The following FAM161A variants were observed in gnomAD, a reference collection of about 807,000 sequenced individuals.
The protein encoded by FAM161A is protein FAM161A.
Under a neutral mutation model 70.9 loss-of-function variants are expected in FAM161A, and 57 were observed. The ratio of observed to expected loss-of-function variants is 0.80; its 90% CI spans 0.65 to 1.00. FAM161A has a LOEUF of 1.00. Ranked by LOEUF, FAM161A falls within the 50% of genes least tolerant of loss-of-function variation. The pLI is 0.00. For synonymous variants in FAM161A, 299 were observed against 295.7 expected, an observed-to-expected ratio of 1.01 and a Z score of -0.12; for missense variants, 880 against 836.0, an observed-to-expected ratio of 1.05 and a Z score of -0.65.
intron 6 of FAM161A, 74 bp from the exon 7 acceptor site, chr2:61,826,673 A>G: frequency 7.8e-7 from 1 of 1,274,318 alleles, no homozygotes; most frequent in Non-Finnish European, 1.1e-6. Context: ...CTCTGCAAGT[A>G]TGCCACCGTG....
the FAM161A span, among the ~76,000 whole-genome samples, chr2:61,811,863 C>T: frequency 6.6e-6 from 1 of 152,140 alleles, no homozygotes; most frequent in African/African-American, 2.4e-5. Flanking sequence ...CCAAAGCTCC[C>T]TATCTCACCC....
the FAM161A span, among the ~76,000 whole-genome samples, chr2:61,812,748 A>G: frequency 6.6e-6 from 1 of 150,536 alleles, no homozygotes; most frequent in African/African-American, 2.4e-5. Flanking sequence ...CAAAAACAAA[A>G]CAACAACAAC....
chr2:61,810,449 C>T, the FAM161A span, among the ~76,000 whole-genome samples: 4 of 131,642 alleles, frequency 3.0e-5, no homozygotes, highest in South Asian at 4.9e-4. Context: ...GTCCCCAGCA[C>T]TTCCTTTTTT....
the FAM161A span, among the ~76,000 whole-genome samples, chr2:61,807,572 TGGGGG>T: frequency 1.3e-5 from 2 of 148,682 alleles, no homozygotes; most frequent in African/African-American, 2.5e-5. Flanking sequence ...CTCTGCAAAG[TGGGGG>T]ACTTTGCAGA....
At chr2:61,832,260 CCAA>C (rs755126973) in intron 5 of FAM161A, among the ~76,000 whole-genome samples, 5 of 124,792 alleles carry the variant, frequency 4.0e-5, no homozygotes, top group South Asian at 2.7e-4. Context: ...CAAAAAAAAA[CCAA>C]CAACAACAAC....
chr2:61,828,046 G>A (rs1672440432), intron 5 of FAM161A, among the ~76,000 whole-genome samples: 1 of 152,124 alleles, frequency 6.6e-6, no homozygotes, highest in African/African-American at 2.4e-5. Flanking sequence ...TTGAGGATAG[G>A]TACACACACT....
At chr2:61,827,015 AC>A (rs1672391909) in intron 6 of FAM161A, 88 bp downstream of exon 6, 2 of 1,286,946 alleles carry the variant, frequency 1.6e-6, no homozygotes, top group Non-Finnish European at 1.1e-6. Flanking sequence ...ACAATATAGA[AC>A]AAAAAATATA....
chr2:61,808,951 C>T, the FAM161A span, among the ~76,000 whole-genome samples: 1 of 152,134 alleles, frequency 6.6e-6, no homozygotes, highest in East Asian at 1.9e-4. Flanking sequence ...CGGCTCACTG[C>T]AACCTCCCCC....
At chr2:61,842,441 C>T in intron 1 of FAM161A, 81 bp from the exon 2 acceptor site, 3 of 814,450 alleles carry the variant, frequency 3.7e-6, no homozygotes, top group Non-Finnish European at 4.0e-6. Flanking sequence ...AATGCTGCTT[C>T]TTAAAGAGTC....
chr2:61,807,804 C>T, the FAM161A span, among the ~76,000 whole-genome samples: 2 of 151,966 alleles, frequency 1.3e-5, no homozygotes, highest in Non-Finnish European at 2.9e-5. Context: ...CCACACCTGG[C>T]TAATTTTTGT....
chr2:61,821,598 T>C (rs954359570), downstream of FAM161A, among the ~76,000 whole-genome samples: 7 of 151,958 alleles, frequency 4.6e-5, no homozygotes, highest in African/African-American at 1.7e-4. Context: ...TCTGAATATC[T>C]TTTTTTCTTT....
intron 1 of FAM161A, among the ~76,000 whole-genome samples, 189 bp downstream of exon 1, chr2:61,853,670 T>G (rs187943579): frequency 8.5e-4 from 130 of 152,324 alleles, no homozygotes; most frequent in African/African-American, 3.1e-3. Context: ...TAAAACACTT[T>G]TCAACGCCTC....
chr2:61,837,599 T>C (rs1672821396), intron 4 of FAM161A, among the ~76,000 whole-genome samples: 2 of 152,012 alleles, frequency 1.3e-5, no homozygotes, highest in Non-Finnish European at 2.9e-5. Context: ...CAAAACCTCA[T>C]CTCTACCAAA....
intron 4 of FAM161A, 60 bp from the exon 5 acceptor site, chr2:61,836,169 T>A: frequency 1.7e-6 from 2 of 1,146,614 alleles, no homozygotes; most frequent in South Asian, 1.3e-5. Context: ...AGAACTTACA[T>A]ATGTAACATT....
rs2105057028 is a variant in FAM161A at position 61,825,658 on chromosome 2, G to C, written c.*797C>G. 2.4e-6 allele frequency: 1 copy of C among 421,398 alleles called. No individual in the cohort carries two copies. Among genetic ancestry groups the C allele is most frequent in the Admixed American group, 2.9e-5 (1 of 34,354 alleles). 26.1% of individuals were successfully genotyped at this position (421,398 alleles called of 1,614,324 possible). A position where few individuals can be genotyped will look rare whatever the true frequency, so the allele number is the denominator to read the frequency against. ...TCTATACTTTTTTTTTTTTTTTGGA[G>C]ACGGAGTCTCGCTCTGTTGCCCAAG... On this transcript the variant is annotated 3_prime_UTR_variant, in exon 7 of 7. Transcript: ENST00000404929.
intron 5 of FAM161A, among the ~76,000 whole-genome samples, chr2:61,831,275 T>TC (rs909466755): frequency 8.5e-5 from 13 of 152,254 alleles, no homozygotes; most frequent in African/African-American, 2.6e-4. Flanking sequence ...TTATTTACTT[T>TC]CCTTTTTTTT....
At chr2:61,823,585 T>A (rs1672258419), downstream of FAM161A, among the ~76,000 whole-genome samples, 1 of 151,808 alleles carries the variant, frequency 6.6e-6, no homozygotes, top group Non-Finnish European at 1.5e-5. Context: ...AGGCTGATCT[T>A]GAACTCCTGA....
intron 5 of FAM161A, 52 bp downstream of exon 5, chr2:61,835,958 T>TAA (rs11299120): frequency 3.5e-3 from 3,666 of 1,042,244 alleles, no homozygotes; most frequent in Non-Finnish European, 3.8e-3. Flanking sequence ...GCTAAAGCTG[T>TAA]AAAAAAAAAA....
chr2:61,827,166 A>G lies in FAM161A; in HGVS notation c.1944T>C (p.Ser648=), dbSNP rs2105059865. ...TGTTGAAGTACTCAAGTACTTTTCC[A>G]CTTTGGCCTTTCTTTGAAACAAACT... ...SDEFVSKKGQ[S]GKVLEYFNNQ... The change falls in exon 6 of 7, where the codon AGT becomes AGC. Residue 648 remains serine, a synonymous_variant. Transcript: ENST00000404929. 6.2e-7 allele frequency: 1 copy of G among 1,613,956 alleles called. No individual in the cohort carries two copies. The highest frequency in any genetic ancestry group is 1.1e-5 in the South Asian group (1 of 91,078).
Sources: allele counts gnomAD v4.1 joint callset (sites outside exome capture counted in the v4.1 genomes callset), GRCh38; gene constraint gnomAD v4.1.1; transcripts MANE v1.5; gene names NCBI Gene and HGNC (gene_info 2026-07-23, HGNC 2026-07-21).